The following INVS variants were observed in gnomAD, a reference collection of about 807,000 sequenced individuals.
INVS encodes the protein inversion of embryo turning homolog.
Under a neutral mutation model 108.8 loss-of-function variants are expected in INVS, and 86 were observed. The ratio of observed to expected loss-of-function variants is 0.79; its 90% CI spans 0.66 to 0.95. INVS has a LOEUF of 0.95. Ranked by LOEUF, INVS falls within the 40% of genes least tolerant of loss-of-function variation. The pLI is 0.00. For synonymous variants in INVS, 455 were observed against 473.5 expected (o/e 0.96, Z 0.51); for missense variants, 1,169 against 1,297.4 (o/e 0.90, Z 1.52).
intron 2 of INVS, among the ~76,000 whole-genome samples, chr9:100,111,081 T>C (rs975076397): frequency 1.2e-4 from 18 of 152,156 alleles, no homozygotes; most frequent in Non-Finnish European, 2.2e-4. Flanking sequence ...TAAGCAGAGA[T>C]TTTTTAATGA....
chr9:100,175,873 G>C, intron 3 of INVS: 1 of 619,324 alleles, frequency 1.6e-6, no homozygotes, highest in Non-Finnish European at 3.1e-6. Context: ...GCTGTGGAGA[G>C]GAATCTCTGC....
At chr9:100,178,084 A>G (rs1200953184) in intron 3 of INVS, among the ~76,000 whole-genome samples, 1 of 152,190 alleles carries the variant, frequency 6.6e-6, no homozygotes, top group African/African-American at 2.4e-5. Flanking sequence ...TAACATCAAC[A>G]TCAACAAAAA....
At chr9:100,230,742 C>T (rs1564167992) in intron 5 of INVS, among the ~76,000 whole-genome samples, 1 of 152,206 alleles carries the variant, frequency 6.6e-6, no homozygotes, top group Non-Finnish European at 1.5e-5. Context: ...TGGTCTCGAC[C>T]TCTTGACCTC....
At chr9:100,222,246 T>G (rs933709293) in intron 3 of INVS, among the ~76,000 whole-genome samples, 1 of 152,210 alleles carries the variant, frequency 6.6e-6, no homozygotes, top group South Asian at 2.1e-4. Context: ...AGCATTTGCT[T>G]TGTTCACTGT....
intron 12 of INVS, among the ~76,000 whole-genome samples, chr9:100,278,583 G>C (rs1833180089): frequency 6.6e-6 from 1 of 152,166 alleles, no homozygotes; most frequent in Non-Finnish European, 1.5e-5. Flanking sequence ...TATATAGTAA[G>C]CATTCAATAA....
intron 13 of INVS, among the ~76,000 whole-genome samples, chr9:100,291,262 C>T (rs1833605494): frequency 6.6e-6 from 1 of 152,026 alleles, no homozygotes. Flanking sequence ...CGAGATTTCA[C>T]CATGGTGGTC....
intron 12 of INVS, among the ~76,000 whole-genome samples, chr9:100,281,660 G>T (rs1021966338): frequency 2.2e-4 from 34 of 152,048 alleles, no homozygotes; most frequent in African/African-American, 8.2e-4. Context: ...AAGACCAGGG[G>T]CTAATTATTC....
At position 100,187,525 on chromosome 9, in the gene INVS, C is replaced by CTTTTTTTTTTTTTTTTTTTTTT. The variant is rs34728274; in HGVS notation, c.274-38518_274-38517insTTTTTTTTTTTTTTTTTTTTTT. 2.5e-4 allele frequency among the ~76,000 whole-genome samples: 26 copies of CTTTTTTTTTTTTTTTTTTTTTT among 105,562 alleles called. 1 individual carries two copies. The highest frequency in any genetic ancestry group is 6.6e-4 in the African/African-American group (15 of 22,706). 69.3% of individuals were successfully genotyped at this position (105,562 alleles called of 152,430 possible). On this transcript the variant is annotated intron_variant, in intron 3 of 16. Coordinates refer to ENST00000262457, the MANE Select transcript of INVS (RefSeq NM_014425.5). ...CATTTGTTTGTATCATCTATGATTT[C>CTTTTTTTTTTTTTTTTTTTTTT]TTTTTTTTTTTTTTTTTTTGAGACA...
Position 100,301,344 on chromosome 9 carries a change from G to A in INVS, c.*670G>A, listed in dbSNP as rs765000130. ...TAGCCTCTCAAGGCCACAAGTTGCCGCCACGTCTTCACTGAATGGCTTTCT... is the reference window on the plus strand; with the variant it reads ...TAGCCTCTCAAGGCCACAAGTTGCCACCACGTCTTCACTGAATGGCTTTCT... On this transcript the variant is annotated 3_prime_UTR_variant, in exon 17 of 17. Transcript: ENST00000262457. Among the ~76,000 whole-genome samples, 22 of 152,076 alleles carry A rather than the reference G, an allele frequency of 1.4e-4. No individual in the cohort carries two copies. The highest frequency in any genetic ancestry group is 6.6e-4 in the Admixed American group (10 of 15,266).
rs878854980 is a variant in INVS, at chr9:100,253,051, T to G, written c.1379T>G (p.Leu460Trp). 6.2e-7 allele frequency: 1 copy of G among 1,613,896 alleles called. No individual in the cohort carries two copies. The highest frequency in any genetic ancestry group is 1.3e-5 in the African/African-American group (1 of 74,928). ...NVQDYAGRTP[L>W]QCAAYGGYIN... ...CAGGATTATGCAGGAAGAACCCCTT[T>G]GCAGTGTGCAGCATATGGAGGCTAT... The change falls in exon 10 of 17, where the codon TTG becomes TGG. Residue 460 changes from leucine (L) to tryptophan (W), a missense_variant. Around this residue, in one of 3 missense-constraint regions of INVS, gnomAD observed 271 missense variants for 363.8 expected, o/e 0.74. Transcript: ENST00000262457.
intron 4 of INVS, 34 bp from the exon 5 acceptor site, chr9:100,229,626 C>G: frequency 6.2e-7 from 1 of 1,602,236 alleles, no homozygotes; most frequent in South Asian, 1.1e-5. Flanking sequence ...TTAGTTGTTA[C>G]TGTTGTTATT....
chr9:100,161,825 G>T (rs1224559887), intron 3 of INVS, among the ~76,000 whole-genome samples: 2 of 152,166 alleles, frequency 1.3e-5, no homozygotes, highest in African/African-American at 4.8e-5. Context: ...GTCAAGGTAA[G>T]CCCCAAAACT....
At chr9:100,105,850 C>CTTTTTTTTTTTTTTTTTTTTT (rs543070811) in intron 2 of INVS, among the ~76,000 whole-genome samples, 6 of 63,800 alleles carry the variant, frequency 9.4e-5, no homozygotes, top group Non-Finnish European at 1.7e-4. Flanking sequence ...GAAAAATTCC[C>CTTTTTTTTTTTTTTTTTTTTT]TTTTTTTTTT....
chr9:100,212,162 A>T (rs535856216), intron 3 of INVS, among the ~76,000 whole-genome samples: 1 of 152,328 alleles, frequency 6.6e-6, no homozygotes, highest in Admixed American at 6.5e-5. Flanking sequence ...ACAAACAGAC[A>T]TCTAAATCAA....
chr9:100,285,918 T>C lies in INVS; in HGVS notation c.2068+1315T>C, dbSNP rs141523210. 1.1e-3 allele frequency among the ~76,000 whole-genome samples: 164 copies of C among 152,272 alleles called. 2 individuals are homozygous for C. Among genetic ancestry groups the C allele is most frequent in the African/African-American group, 3.8e-3 (159 of 41,556 alleles). On this transcript the variant is annotated intron_variant, in intron 13 of 16. Coordinates refer to ENST00000262457, the MANE Select transcript of INVS (RefSeq NM_014425.5). The stretch of plus-strand genomic sequence containing the variant: ...TTATAAGTTAGAGAACGGTAGGAGC[T>C]TTCCCAAAATCTAAGTGCAAATGCC...
At position 100,245,529 on chromosome 9, in the gene INVS, C is replaced by T. The variant is rs1478161164; in HGVS notation, c.907-1087C>T. Among the ~76,000 whole-genome samples, 45 of 152,140 alleles carry T rather than the reference C, an allele frequency of 3.0e-4. 1 individual carries two copies. The highest frequency in any genetic ancestry group is 2.9e-3 in the Admixed American group (45 of 15,270). ...TCTCCTGACCTTGTGATCCACCCAC[C>T]TCAGCCTCCCAAAGTGCTGGGATTA... On this transcript the variant is annotated intron_variant, in intron 7 of 16. Transcript: ENST00000262457.
chr9:100,115,519 T>G (rs1827486998), intron 2 of INVS, among the ~76,000 whole-genome samples: 1 of 152,108 alleles, frequency 6.6e-6, no homozygotes, highest in Non-Finnish European at 1.5e-5. Context: ...GTGTTCTCAT[T>G]GTTCAGTTCC....
chr9:100,167,663 C>T (rs1473356985), intron 3 of INVS, among the ~76,000 whole-genome samples: 1 of 152,144 alleles, frequency 6.6e-6, no homozygotes, highest in Non-Finnish European at 1.5e-5. Flanking sequence ...TGCTTATTGT[C>T]TTTTGCCCCA....
chr9:100,300,092 T>A (rs1833917927), intron 16 of INVS, among the ~76,000 whole-genome samples: 2 of 152,212 alleles, frequency 1.3e-5, no homozygotes, highest in Admixed American at 6.5e-5. Context: ...TGGCATCCTA[T>A]ACATTTGTTA....
Sources: allele counts gnomAD v4.1 joint callset (sites outside exome capture counted in the v4.1 genomes callset), GRCh38; gene constraint gnomAD v4.1.1; regional missense constraint gnomAD v4.1.1; transcripts MANE v1.5; gene names NCBI Gene and HGNC (gene_info 2026-07-23, HGNC 2026-07-21).